The following YTHDC1 variants were observed in gnomAD, a reference collection of about 807,000 sequenced individuals.
The protein encoded by YTHDC1 is YTH domain-containing protein 1.
Under a neutral mutation model 107.0 loss-of-function variants are expected in YTHDC1, and 12 were observed. That is an observed-to-expected ratio of 0.11 (90% CI 0.07 to 0.18). The LOEUF is 0.18. Among genes scored for constraint, YTHDC1 ranks in the 10% least tolerant of loss-of-function variants. YTHDC1 has a pLI of 1.00. For missense variants in YTHDC1, 635 were observed against 898.8 expected, an observed-to-expected ratio of 0.71 and a Z score of 3.75; for synonymous variants, 280 against 289.5, an observed-to-expected ratio of 0.97 and a Z score of 0.33.
At position 68,337,685 on chromosome 4, in the gene YTHDC1, G is replaced by T. The variant is rs200384143; in HGVS notation, c.346C>A (p.Arg116Ser). 1 of 1,614,096 alleles carries T rather than the reference G, an allele frequency of 6.2e-7. No homozygotes were observed. The highest frequency in any genetic ancestry group is 8.5e-7 in the Non-Finnish European group (1 of 1,180,004). Residue 116 changes from arginine to serine, a missense_variant, in exon 3 of 17, where the codon CGT becomes AGT. Physicochemically the swap from Arg to Ser is moderately radical, Grantham distance 110. This residue lies in a region of YTHDC1 where 294 missense variants were observed against 312.3 expected (regional missense o/e 0.94). Transcript: ENST00000344157. ...NKRLDADRKI[R>S]LSSSASREPY... ...TCTCTGGAGGCACTACTTGATAGAC[G>T]AATTTTCCGATCAGCATCTAGACGC...
In YTHDC1 at chr4:68,333,412, A is replaced by G; in HGVS notation, c.884-15T>C. On this transcript the variant is annotated splice_polypyrimidine_tract_variant and intron_variant, in intron 4 of 16. Coordinates refer to ENST00000344157, the MANE Select transcript of YTHDC1 (RefSeq NM_001031732.4). ...CTTTTTCTCATCTAAAAAGAACAAG[A>G]GTTTTTTTTTTAAATCACAATACAG... 1 of 1,563,424 alleles carries G rather than the reference A, an allele frequency of 6.4e-7. No homozygotes were observed. The highest frequency in any genetic ancestry group is 1.1e-5 in the South Asian group (1 of 87,040).
At chr4:68,349,632 CCCCCA>C in intron 1 of YTHDC1, 89 bp downstream of exon 1, 1 of 239,810 alleles carries the variant, frequency 4.2e-6, no homozygotes, top group Non-Finnish European at 9.0e-6. Context: ...ACCTCCCCAA[CCCCCA>C]CCCCCCACCC....
chr4:68,315,420 G>A (rs1305441266), intron 16 of YTHDC1, among the ~76,000 whole-genome samples: 1 of 152,148 alleles, frequency 6.6e-6, no homozygotes, highest in Non-Finnish European at 1.5e-5. Flanking sequence ...TTCATCTTAA[G>A]TGGGAAAATA....
intron 7 of YTHDC1, among the ~76,000 whole-genome samples, chr4:68,331,768 G>A (rs1179441382): frequency 1.3e-5 from 2 of 151,818 alleles, no homozygotes; most frequent in Admixed American, 1.3e-4. Context: ...TTAACTACAG[G>A]TACTTTTAGA....
At chr4:68,325,269 A>AT (rs201355771) in intron 9 of YTHDC1, among the ~76,000 whole-genome samples, 90 of 150,412 alleles carry the variant, frequency 6.0e-4, no homozygotes, top group African/African-American at 1.1e-3. Context: ...AATACAGAAG[A>AT]TTTTTTTTTT....
rs1280838801 is a variant in YTHDC1, at chr4:68,337,770, T to C, written c.261A>G (p.Thr87=). The C allele has an allele frequency of 6.2e-7, 1 of 1,614,204 alleles. No individual in the cohort carries two copies. The highest frequency in any genetic ancestry group is 8.5e-7 in the Non-Finnish European group (1 of 1,180,038). ...TATACTCTGTGGCTGACTTTCCTTT[T>C]GTACTAACTATTCTTTTGTTATTGC... is the stretch of plus-strand genomic sequence containing the variant. The part of the protein sequence containing the change: ...SVSNNKRIVS[T]KGKSATEYKN... Residue 87 remains threonine, a synonymous_variant, in exon 3 of 17, where the codon ACA becomes ACG. Transcript: ENST00000344157.
In YTHDC1 at chr4:68,315,694, A is replaced by T. The variant is rs150736938; in HGVS notation, c.1959+620T>A. ...CCCAGAAAACTCAAACTAAAACTAG[A>T]GTCTTTTTTTCACTGGTCCTGTTTT... On this transcript the variant is annotated intron_variant, in intron 16 of 16. Transcript: ENST00000344157. Among the ~76,000 whole-genome samples, 5 of 152,308 alleles carry T rather than the reference A, an allele frequency of 3.3e-5. No individual in the cohort carries two copies. In the East Asian group the frequency reaches 7.7e-4, roughly 23 times the overall value.
At chr4:68,315,693 G>A (rs1047921308) in intron 16 of YTHDC1, among the ~76,000 whole-genome samples, 1 of 151,938 alleles carries the variant, frequency 6.6e-6, no homozygotes, top group Admixed American at 6.6e-5. Flanking sequence ...ACTAAAACTA[G>A]AGTCTTTTTT....
At chr4:68,348,385 A>ATT (rs1416187639) in intron 1 of YTHDC1, among the ~76,000 whole-genome samples, 1 of 150,714 alleles carries the variant, frequency 6.6e-6, no homozygotes, top group Non-Finnish European at 1.5e-5. Context: ...AAGATCATGT[A>ATT]TTTTAATAAC....
intron 4 of YTHDC1, among the ~76,000 whole-genome samples, chr4:68,334,243 G>GA (rs1376343210): frequency 6.6e-6 from 1 of 151,850 alleles, no homozygotes; most frequent in African/African-American, 2.4e-5. Flanking sequence ...GGAATAGGAA[G>GA]AAAAAAATGC....
At chr4:68,329,702 A>G (rs1167089669) in intron 9 of YTHDC1, among the ~76,000 whole-genome samples, 3 of 151,934 alleles carry the variant, frequency 2.0e-5, no homozygotes, top group African/African-American at 7.3e-5. Context: ...AAGTCATAGT[A>G]CTTATTTCCC....
In YTHDC1 at chr4:68,320,652, T is replaced by C. The variant is rs149928332; in HGVS notation, c.1602-447A>G. ...CTCTAAAATCTGCATATTTAAAACT[T>C]ATAAATGTCATTTTAGGTTAAGTCT... On this transcript the variant is annotated intron_variant, in intron 11 of 16. Transcript: ENST00000344157. 7.9e-5 allele frequency among the ~76,000 whole-genome samples: 12 copies of C among 152,250 alleles called. No homozygotes were observed. The East Asian group carries it at 2.3e-3, about 29-fold the overall frequency.
chr4:68,324,221 C>A lies in YTHDC1; in HGVS notation c.1352G>T (p.Arg451Leu). The part of the protein sequence containing the change: ...GVFKIDWICR[R>L]ELPFTKSAHL... ...AGCCGACTTAGTGAAGGGTAATTCA[C>A]GCCTAAATACAAAGTAATATCAATT... Residue 451 changes from arginine to leucine, a missense_variant and splice_region_variant, in exon 10 of 17, where the codon CGT (arginine) becomes CTT (leucine). Physicochemically the swap from Arg to Leu is moderately radical, Grantham distance 102 (BLOSUM62 -2). This residue lies in a region of YTHDC1 where 256 missense variants were observed against 372.9 expected (regional missense o/e 0.69). Transcript: ENST00000344157. 1 of 1,611,826 alleles carries A rather than the reference C, an allele frequency of 6.2e-7. No homozygotes were observed. The highest frequency in any genetic ancestry group is 8.5e-7 in the Non-Finnish European group (1 of 1,178,208).
intron 4 of YTHDC1, among the ~76,000 whole-genome samples, chr4:68,333,775 T>G (rs935746413): frequency 6.6e-6 from 1 of 152,108 alleles, no homozygotes; most frequent in African/African-American, 2.4e-5. Flanking sequence ...TAAGTCCTTA[T>G]TTTTTTAAAC....
Position 68,311,726 on chromosome 4 carries a change from AACTT to A in YTHDC1, c.*2369_*2372del, listed in dbSNP as rs543191211. 65 of 152,344 alleles carry A rather than the reference AACTT, an allele frequency of 4.3e-4. No individual in the cohort carries two copies. The highest frequency in any genetic ancestry group is 7.6e-4 in the Non-Finnish European group (52 of 68,032). The allele number at this position is 152,344 out of a possible 1,614,324, so 9.4% of individuals were successfully genotyped here. A position where few individuals can be genotyped will look rare whatever the true frequency, so the allele number is the denominator to read the frequency against. ...AGAATAGTGCCAGATACTTGGTAAA[AACTT>A]AATGTTGGCTTTTTAAAATAGATCG... On this transcript the variant is annotated 3_prime_UTR_variant, in exon 17 of 17. Transcript: ENST00000344157.
chr4:68,346,015 T>C (rs980904689), intron 1 of YTHDC1, among the ~76,000 whole-genome samples: 6 of 151,186 alleles, frequency 4.0e-5, no homozygotes, highest in African/African-American at 1.5e-4. Context: ...CATTGTTAAA[T>C]GACACGACTG....
At chr4:68,321,289 A>G (rs1722420772) in intron 11 of YTHDC1, among the ~76,000 whole-genome samples, 1 of 152,228 alleles carries the variant, frequency 6.6e-6, no homozygotes, top group Admixed American at 6.5e-5. Context: ...AATAATCCCA[A>G]GCCCCCCAAC....
chr4:68,315,666 A>C (rs1245521522), intron 16 of YTHDC1, among the ~76,000 whole-genome samples: 1 of 152,186 alleles, frequency 6.6e-6, no homozygotes, highest in African/African-American at 2.4e-5. Context: ...CACTAGTTAA[A>C]AACCCAGAAA....
chr4:68,346,096 T>TATATATATATATATATAC (rs1230266568), intron 1 of YTHDC1, among the ~76,000 whole-genome samples: 10 of 140,382 alleles, frequency 7.1e-5, no homozygotes, highest in Admixed American at 3.5e-4. Context: ...TATATATATA[T>TATATATATATATATATAC]ATATACACAC....
Sources: allele counts gnomAD v4.1 joint callset (sites outside exome capture counted in the v4.1 genomes callset), GRCh38; gene constraint gnomAD v4.1.1; regional missense constraint gnomAD v4.1.1; transcripts MANE v1.5; gene names NCBI Gene and HGNC (gene_info 2026-07-23, HGNC 2026-07-21).